Variants in CYP4F2 observed in about 807,000 individuals in gnomAD.
The protein encoded by CYP4F2 is cytochrome P450 family 4 subfamily F member 2.
CYP4F2 carries 58 observed loss-of-function variants against 58.9 expected under a neutral mutation model. The observed-to-expected ratio is 0.98, with a 90% CI of 0.80 to 1.23. The LOEUF (loss-of-function observed/expected upper bound fraction) is 1.23, where lower values mean the gene tolerates loss of function less well. Ranked by LOEUF, CYP4F2 falls within the 50% of genes most tolerant of loss-of-function variation. The pLI, the probability that CYP4F2 is intolerant of heterozygous loss-of-function variation, is 0.00. For synonymous variants in CYP4F2, 287 were observed against 261.1 expected, an observed-to-expected ratio of 1.10 and a Z score of -0.95; for missense variants, 616 against 685.6, an observed-to-expected ratio of 0.90 and a Z score of 1.13.
chr19:15,896,115 G>A (rs958282536), intron 2 of CYP4F2, among the ~76,000 whole-genome samples: 2 of 146,446 alleles, frequency 1.4e-5, no homozygotes, highest in Non-Finnish European at 3.0e-5. Context: ...CATGCTATCT[G>A]TGCATCCATG....
At chr19:15,888,673 CAT>C (rs2089397671) in intron 7 of CYP4F2, among the ~76,000 whole-genome samples, 1 of 152,054 alleles carries the variant, frequency 6.6e-6, no homozygotes, top group Admixed American at 6.6e-5. Context: ...TACACATAAA[CAT>C]AGACATGACA....
At chr19:15,892,923 A>C (rs915948193) in intron 3 of CYP4F2, among the ~76,000 whole-genome samples, 25 of 152,074 alleles carry the variant, frequency 1.6e-4, no homozygotes, top group African/African-American at 5.6e-4. Flanking sequence ...GACCTAGGAC[A>C]CCCTGTCTGT....
chr19:15,893,673 T>C (rs2089430436), intron 3 of CYP4F2: 1 of 166,810 alleles, frequency 6.0e-6, no homozygotes, highest in East Asian at 1.8e-4. Flanking sequence ...ATCGGTCACG[T>C]GTTCAGCTGG....
Sources: allele counts gnomAD v4.1 joint callset (sites outside exome capture counted in the v4.1 genomes callset), GRCh38; gene constraint gnomAD v4.1.1; transcripts MANE v1.5; gene names NCBI Gene and HGNC (gene_info 2026-07-23, HGNC 2026-07-21).